The following NOL4L variants were observed in gnomAD, a reference collection of about 807,000 sequenced individuals.
NOL4L encodes nucleolar protein 4 like.
Under a neutral mutation model 64.5 loss-of-function variants are expected in NOL4L, and 7 were observed. That is an observed-to-expected ratio of 0.11 (90% CI 0.06 to 0.20). NOL4L has a LOEUF of 0.20. Ranked by LOEUF, NOL4L falls within the 10% of genes least tolerant of loss-of-function variation. The pLI is 1.00. For missense variants in NOL4L, 680 were observed against 967.1 expected (o/e 0.70, Z 3.94); for synonymous variants, 413 against 401.0 (o/e 1.03, Z -0.36).
chr20:32,555,591 C>T (rs565363625), intron 1 of NOL4L, among the ~76,000 whole-genome samples: 1 of 152,016 alleles, frequency 6.6e-6, no homozygotes, highest in Non-Finnish European at 1.5e-5. Flanking sequence ...TGATAATGCA[C>T]CTGGCCAAGA....
rs2012363095 is a variant in NOL4L, at chr20:32,447,077, T to C, written c.*519A>G. On this transcript the variant is annotated 3_prime_UTR_variant, in exon 11 of 11. Coordinates refer to ENST00000621426, the MANE Select transcript of NOL4L (RefSeq NM_001256798.2). ...CCCACATCAGTGTAGTGATATGGAA[T>C]GTTAGGTATGGGGATACATCCTTCT... is the stretch of plus-strand genomic sequence containing the variant. The C allele has an allele frequency of 1.3e-5, 5 of 384,654 alleles. No individual in the cohort carries two copies. The highest frequency in any genetic ancestry group is 9.3e-5 in the Admixed American group (3 of 32,338). The allele number at this position is 384,654 out of a possible 1,614,324, so 23.8% of individuals were successfully genotyped here.
intron 1 of NOL4L, among the ~76,000 whole-genome samples, chr20:32,547,121 T>G (rs2018743160): frequency 6.6e-6 from 1 of 152,154 alleles, no homozygotes; most frequent in Admixed American, 6.5e-5. Flanking sequence ...CTGCTCTAAG[T>G]GCTTTACATA....
chr20:32,583,456 G>GGGGGGAGC (rs1287474278), intron 1 of NOL4L, among the ~76,000 whole-genome samples: 19 of 149,426 alleles, frequency 1.3e-4, no homozygotes, highest in East Asian at 4.0e-4. Flanking sequence ...GGAGCGCGGA[G>GGGGGGAGC]GGGGGAGCGG....
intron 4 of NOL4L, among the ~76,000 whole-genome samples, chr20:32,488,655 C>T (rs1368984141): frequency 6.6e-6 from 1 of 152,172 alleles, no homozygotes; most frequent in Non-Finnish European, 1.5e-5. Flanking sequence ...TTCCTTTGCT[C>T]CTCTTCACTT....
chr20:32,568,757 A>C (rs977150759), intron 1 of NOL4L, among the ~76,000 whole-genome samples: 1 of 152,232 alleles, frequency 6.6e-6, no homozygotes, highest in African/African-American at 2.4e-5. Flanking sequence ...CTTGAGGCCC[A>C]TGATGACCCA....
At chr20:32,539,560 G>C (rs1393946681) in intron 1 of NOL4L, among the ~76,000 whole-genome samples, 1 of 152,198 alleles carries the variant, frequency 6.6e-6, no homozygotes, top group Non-Finnish European at 1.5e-5. Flanking sequence ...CCTCACTGCT[G>C]TCTGCATTCA....
At chr20:32,517,154 C>T (rs1035585845) in intron 3 of NOL4L, among the ~76,000 whole-genome samples, 3 of 152,330 alleles carry the variant, frequency 2.0e-5, no homozygotes, top group Admixed American at 1.3e-4. Flanking sequence ...AGGTCCCCCC[C>T]ACTCTGCTGG....
chr20:32,514,276 G>A (rs749703214), intron 3 of NOL4L, among the ~76,000 whole-genome samples: 5 of 152,132 alleles, frequency 3.3e-5, no homozygotes, highest in African/African-American at 4.8e-5. Flanking sequence ...CGGATCACCC[G>A]AGGTCAGGAG....
intron 4 of NOL4L, chr20:32,475,176 G>C: frequency 8.1e-6 from 8 of 985,486 alleles, no homozygotes; most frequent in Non-Finnish European, 9.6e-6. Context: ...CACTGAGGCT[G>C]AGCTGAGTGC....
In NOL4L at chr20:32,464,899, G is replaced by A. The variant is rs575101762; in HGVS notation, c.842-8504C>T. 78 of 425,464 alleles carry A rather than the reference G, an allele frequency of 1.8e-4. 1 individual carries two copies. The highest frequency in any genetic ancestry group is 1.3e-3 in the South Asian group (14 of 11,042). The allele number at this position is 425,464 out of a possible 1,614,324, so 26.4% of individuals were successfully genotyped here. A position where few individuals can be genotyped will look rare whatever the true frequency, so the allele number is the denominator to read the frequency against. On this transcript the variant is annotated intron_variant, in intron 5 of 10. Coordinates refer to ENST00000621426, the MANE Select transcript of NOL4L (RefSeq NM_001256798.2). This position sits in a 1 kb window ranked among gnomAD's most constrained non-coding sequence, Gnocchi z 5.6. The stretch of plus-strand genomic sequence containing the variant: ...TCACCTTCTTCTTTCCTACGGAGCC[G>A]CTGAGACGCAGCGTGTATTGCACAC...
chr20:32,490,983 T>C (rs553239241), intron 4 of NOL4L, among the ~76,000 whole-genome samples: 3 of 152,314 alleles, frequency 2.0e-5, no homozygotes, highest in East Asian at 3.9e-4. Flanking sequence ...TAGTCACCCA[T>C]GTGCGACCCC....
At chr20:32,532,768 C>T (rs1236793886) in intron 1 of NOL4L, among the ~76,000 whole-genome samples, 1 of 152,190 alleles carries the variant, frequency 6.6e-6, no homozygotes, top group East Asian at 1.9e-4. Flanking sequence ...CCTATCCCAG[C>T]TTCCTGGAAA....
intron 4 of NOL4L, among the ~76,000 whole-genome samples, chr20:32,508,356 T>TGGG (rs2017221906): frequency 6.6e-6 from 1 of 152,258 alleles, no homozygotes; most frequent in African/African-American, 2.4e-5. Flanking sequence ...TGCTGGGTCC[T>TGGG]TGGCCCTTCC....
At chr20:32,551,982 G>C (rs1321527766) in intron 1 of NOL4L, among the ~76,000 whole-genome samples, 1 of 151,512 alleles carries the variant, frequency 6.6e-6, no homozygotes, top group Admixed American at 6.6e-5. Flanking sequence ...TAGAGACAGG[G>C]TCTGGCTATA....
chr20:32,532,491 G>A, intron 1 of NOL4L: 12 of 436,740 alleles, frequency 2.7e-5, no homozygotes, highest in Non-Finnish European at 3.7e-5. Flanking sequence ...TGCATCCATG[G>A]AGGTAATAAC....
chr20:32,502,603 C>T (rs965130751), intron 4 of NOL4L, among the ~76,000 whole-genome samples: 2 of 148,446 alleles, frequency 1.3e-5, no homozygotes, highest in South Asian at 4.3e-4. Flanking sequence ...AAAAAGTATT[C>T]TATCTATAAA....
chr20:32,484,179 G>A (rs1435388086), intron 4 of NOL4L, among the ~76,000 whole-genome samples: 1 of 152,124 alleles, frequency 6.6e-6, no homozygotes, highest in Non-Finnish European at 1.5e-5. Context: ...ACCCCCATGC[G>A]TCTTTCGGGT....
chr20:32,490,264 A>T (rs905810433), intron 4 of NOL4L, among the ~76,000 whole-genome samples: 15 of 152,164 alleles, frequency 9.9e-5, no homozygotes, highest in Admixed American at 6.5e-5. Flanking sequence ...CATAACAAAA[A>T]TAATTGAAAC....
At chr20:32,529,801 A>ATC (rs201607541) in intron 1 of NOL4L, among the ~76,000 whole-genome samples, 8 of 151,724 alleles carry the variant, frequency 5.3e-5, no homozygotes, top group Admixed American at 6.6e-5. Context: ...GATAGCACAT[A>ATC]TCTCTCTCTC....
Sources: gnomAD v4.1 joint callset for allele counts (sites outside exome capture counted in the v4.1 genomes callset) on GRCh38, gnomAD v4.1.1 for gene constraint, Gnocchi (gnomAD v3.1) non-coding constraint, MANE v1.5 for transcripts, NCBI Gene and HGNC (gene_info 2026-07-23, HGNC 2026-07-21) for gene names.